Variants in MMD2 observed in about 807,000 individuals in gnomAD.
The protein encoded by MMD2 is monocyte to macrophage differentiation factor 2.
A neutral mutation model predicts 33.5 loss-of-function variants in MMD2; 30 were observed. That is an observed-to-expected ratio of 0.90 (90% confidence interval 0.67 to 1.22). The LOEUF is 1.22. Ranked by LOEUF, MMD2 falls within the 50% of genes most tolerant of loss-of-function variation. MMD2 has a pLI of 0.00. For missense variants in MMD2, 364 were observed against 325.4 expected (o/e 1.12, Z -0.91); for synonymous variants, 129 against 123.0 (o/e 1.05, Z -0.32).
At chr7:4,926,716 G>C (rs2115114892) in intron 1 of MMD2, among the ~76,000 whole-genome samples, 1 of 152,050 alleles carries the variant, frequency 6.6e-6, no homozygotes, top group East Asian at 1.9e-4. Flanking sequence ...CCACATTTTG[G>C]GGTACAGCAA....
chr7:4,893,488 T>C, the MMD2 span, among the ~76,000 whole-genome samples: 1 of 151,650 alleles, frequency 6.6e-6, no homozygotes, highest in African/African-American at 2.4e-5. Flanking sequence ...ACCTCTCAGG[T>C]TCAAGCAGTT....
At position 4,906,595 on chromosome 7, in the gene MMD2, T is replaced by A. The variant is rs41399345; in HGVS notation, c.*801A>T. On this transcript the variant is annotated 3_prime_UTR_variant, in exon 7 of 7. Transcript: ENST00000401401. ...TCCTCATTCCCAACTCTACTGAGAA[T>A]CAACTACGGTGGAACAGAACATCAG... is the stretch of plus-strand genomic sequence containing the variant. The A allele has an allele frequency of 7.5e-6, 3 of 398,376 alleles. No homozygotes were observed. The highest frequency in any genetic ancestry group is 8.8e-6 in the Non-Finnish European group (2 of 226,070). The allele number at this position is 398,376 out of a possible 1,614,324, so 24.7% of individuals were successfully genotyped here. A position where few individuals can be genotyped will look rare whatever the true frequency, so the allele number is the denominator to read the frequency against.
chr7:4,930,942 C>T (rs557202180), intron 1 of MMD2, among the ~76,000 whole-genome samples: 2 of 152,082 alleles, frequency 1.3e-5, no homozygotes, highest in South Asian at 4.1e-4. Context: ...CCTTCGCCTC[C>T]TGGGTTCAAG....
intron 4 of MMD2, among the ~76,000 whole-genome samples, chr7:4,912,024 T>C (rs972996556): frequency 2.0e-5 from 3 of 151,704 alleles, no homozygotes; most frequent in African/African-American, 7.3e-5. Flanking sequence ...ATCGCTTAAG[T>C]CTGGGAGGTG....
intron 3 of MMD2, among the ~76,000 whole-genome samples, chr7:4,917,227 C>T (rs948591137): frequency 2.0e-5 from 3 of 152,162 alleles, no homozygotes; most frequent in African/African-American, 7.2e-5. Flanking sequence ...AGTACATAAC[C>T]TTGAGCAAGT....
rs150208478 is a variant in MMD2 at position 4,908,962 on chromosome 7, A to C, written c.537+919T>G. On this transcript the variant is annotated intron_variant, in intron 6 of 6. Coordinates refer to ENST00000401401, the MANE Select transcript of MMD2 (RefSeq NM_198403.4). ...TTTGCAGAGATGCAAAAAGTTCTTG[A>C]GATGGATGGTGGTGATGGACGCACG... is the stretch of plus-strand genomic sequence containing the variant. Among the ~76,000 whole-genome samples the C allele has an allele frequency of 1.1e-4, 17 of 151,910 alleles. 1 individual carries two copies. In the East Asian group the frequency reaches 2.9e-3, roughly 26 times the overall value.
At chr7:4,908,589 G>A (rs941994781) in intron 6 of MMD2, among the ~76,000 whole-genome samples, 23 of 152,064 alleles carry the variant, frequency 1.5e-4, no homozygotes, top group African/African-American at 5.5e-4. Flanking sequence ...GTCAGCCAAG[G>A]AATGAATGGA....
intron 1 of MMD2, among the ~76,000 whole-genome samples, chr7:4,932,449 A>G (rs980112272): frequency 6.6e-6 from 1 of 151,856 alleles, no homozygotes; most frequent in African/African-American, 2.4e-5. Flanking sequence ...TTTTTTTGCT[A>G]TAGTTTTGTG....
At chr7:4,943,502 A>G (rs1451504802) in intron 1 of MMD2, among the ~76,000 whole-genome samples, 2 of 152,042 alleles carry the variant, frequency 1.3e-5, no homozygotes, top group Non-Finnish European at 2.9e-5. Context: ...CTGAGACCCA[A>G]CTGCTCTACC....
intron 3 of MMD2, among the ~76,000 whole-genome samples, chr7:4,918,721 C>G (rs1785202477): frequency 1.3e-5 from 2 of 151,976 alleles, no homozygotes; most frequent in African/African-American, 4.8e-5. Flanking sequence ...CTCTTGACCT[C>G]AAGTGATCCT....
chr7:4,919,665 CATCT>C (rs1053864604), intron 3 of MMD2, among the ~76,000 whole-genome samples: 1 of 152,140 alleles, frequency 6.6e-6, no homozygotes, highest in African/African-American at 2.4e-5. Flanking sequence ...GTGGGTGGAC[CATCT>C]GAGGTCAGGA....
chr7:4,940,070 G>A lies in MMD2; in HGVS notation c.48-14538C>T, dbSNP rs1045325825. Among the ~76,000 whole-genome samples the A allele has an allele frequency of 2.0e-5, 3 of 152,198 alleles. No individual in the cohort carries two copies. Among genetic ancestry groups the A allele is most frequent in the Admixed American group, 6.6e-5 (1 of 15,254 alleles). The stretch of plus-strand genomic sequence containing the variant: ...TCTATTTCTATAAATTTCAAGAACA[G>A]GCAGCGCAGGTCTGTTGAAGGTCCG... On this transcript the variant is annotated intron_variant, in intron 1 of 6. Transcript: ENST00000401401. The surrounding 1 kb of genome is among the most constrained non-coding windows in gnomAD (Gnocchi z 5.0).
chr7:4,920,206 C>A lies in MMD2; in HGVS notation c.255G>T (p.Val85=). 1 of 1,572,896 alleles carries A rather than the reference C, an allele frequency of 6.4e-7. No homozygotes were observed. The highest frequency in any genetic ancestry group is 2.3e-5 in the East Asian group (1 of 42,588). The part of the protein sequence containing the change: ...GLCGLFVVST[V]FHTISWKKSH... ...TCTTCTTCCAGGAGATGGTGTGAAACACAGTGGACACCACGAAGAGGCCGC... is the reference window on the plus strand; with the variant it reads ...TCTTCTTCCAGGAGATGGTGTGAAAAACAGTGGACACCACGAAGAGGCCGC... The change falls in exon 3 of 7, where the codon GTG becomes GTT. Residue 85 remains valine (V), a synonymous_variant. Coordinates refer to ENST00000401401, the MANE Select transcript of MMD2 (RefSeq NM_198403.4).
chr7:4,903,094 T>C (rs1037101326), downstream of MMD2, among the ~76,000 whole-genome samples: 4 of 151,994 alleles, frequency 2.6e-5, no homozygotes, highest in African/African-American at 9.7e-5. Flanking sequence ...ACAAATTAGC[T>C]GGGTGTGGTG....
At position 4,909,922 on chromosome 7, in the gene MMD2, C is replaced by T. The variant is rs373364937; in HGVS notation, c.496G>A (p.Val166Ile). Reference protein sequence around the residue: ...RYKLVELLCYVVMGFFPALVI... With the variant: ...RYKLVELLCYIVMGFFPALVI... ...AGGGCGGGGAAGAAGCCCATTACGA[C>T]GTAGCAGAGAAGCTCCACAAGCTTG... Residue 166 changes from valine (V) to isoleucine (I), a missense_variant, in exon 6 of 7, where the codon GTC becomes ATC. Val to Ile is a conservative substitution (Grantham distance 29). Transcript: ENST00000401401. The T allele has an allele frequency of 2.3e-4, 373 of 1,613,900 alleles. 1 individual carries two copies. Among genetic ancestry groups the T allele is most frequent in the African/African-American group, 1.2e-3 (88 of 75,040 alleles).
At chr7:4,950,793 AC>A (rs1351929649) in intron 1 of MMD2, among the ~76,000 whole-genome samples, 5 of 145,252 alleles carry the variant, frequency 3.4e-5, no homozygotes, top group African/African-American at 1.3e-4. Context: ...AGCTCACTGC[AC>A]CCTCTGCCTC....
the MMD2 span, among the ~76,000 whole-genome samples, chr7:4,892,585 T>TATAAATAA: frequency 0.31 from 44,012 of 143,148 alleles, 7,697 homozygotes; most frequent in African/African-American, 0.48. Context: ...AAGACTCTGC[T>TATAAATAA]ATAAATAAAT....
chr7:4,932,738 T>G (rs529011605), intron 1 of MMD2, among the ~76,000 whole-genome samples: 52 of 151,490 alleles, frequency 3.4e-4, no homozygotes, highest in Non-Finnish European at 6.6e-4. Context: ...TTCTCCTGCC[T>G]CAGCCTCCTG....
chr7:4,898,663 G>A, the MMD2 span, among the ~76,000 whole-genome samples: 4 of 152,206 alleles, frequency 2.6e-5, no homozygotes, highest in South Asian at 8.3e-4. Context: ...TCAGGAGGTG[G>A]CCAAGGTGGG....
Sources: allele counts gnomAD v4.1 joint callset (sites outside exome capture counted in the v4.1 genomes callset), GRCh38; gene constraint gnomAD v4.1.1; non-coding constraint Gnocchi (gnomAD v3.1); transcripts MANE v1.5; gene names NCBI Gene and HGNC (gene_info 2026-07-23, HGNC 2026-07-21).